Variants in FHIT observed in about 807,000 individuals in gnomAD.
FHIT encodes fragile histidine triad diadenosine triphosphatase, also known as bis(5'-adenosyl)-triphosphatase.
In FHIT, 19 loss-of-function variants were observed where a neutral mutation model predicts 17.9. The ratio of observed to expected loss-of-function variants is 1.06; its 90% confidence interval spans 0.74 to 1.56. The LOEUF is 1.56. FHIT is among the 40% of genes most tolerant of loss of function. The probability of loss-of-function intolerance (pLI) is 0.00; values close to 1 mark genes in which losing one functional copy is unlikely to be tolerated. For synonymous variants in FHIT, 81 were observed against 69.7 expected (o/e 1.16, Z -0.81); for missense variants, 248 against 189.2 (o/e 1.31, Z -1.82).
At chr3:60,513,342 T>C (rs769147446) in intron 5 of FHIT, among the ~76,000 whole-genome samples, 32 of 152,208 alleles carry the variant, frequency 2.1e-4, no homozygotes, top group Non-Finnish European at 3.8e-4. Flanking sequence ...CCATGGAATT[T>C]CCCAGGTATT....
At chr3:60,192,725 C>CTGGA (rs1702462130) in intron 5 of FHIT, among the ~76,000 whole-genome samples, 1 of 152,186 alleles carries the variant, frequency 6.6e-6, no homozygotes, top group African/African-American at 2.4e-5. Flanking sequence ...ACCCCACACT[C>CTGGA]TGAGTCCTAA....
At position 59,764,045 on chromosome 3, in the gene FHIT, G is replaced by A. The variant is rs1044222418; in HGVS notation, c.349-11724C>T. 4.5e-4 allele frequency among the ~76,000 whole-genome samples: 68 copies of A among 152,260 alleles called. 3 individuals are homozygous for A. Among genetic ancestry groups the A allele is most frequent in the Admixed American group, 3.5e-3 (54 of 15,294 alleles). ...TCAGTGAGCTGAAGGTAGAAAGGCC[G>A]TCCCAGAACAGCTGGACCCAGCACT... On this transcript the variant is annotated intron_variant, in intron 8 of 9. Coordinates refer to ENST00000492590, the MANE Select transcript of FHIT (RefSeq NM_002012.4).
intron 8 of FHIT, among the ~76,000 whole-genome samples, chr3:59,832,868 T>G (rs1370522486): frequency 6.6e-6 from 1 of 152,224 alleles, no homozygotes; most frequent in Admixed American, 6.5e-5. Context: ...AAGGACAGAA[T>G]CAAGAAATGT....
intron 8 of FHIT, among the ~76,000 whole-genome samples, chr3:59,791,503 C>G (rs902099851): frequency 1.3e-5 from 2 of 152,166 alleles, no homozygotes; most frequent in African/African-American, 2.4e-5. Context: ...ATCAACAATA[C>G]TATTAGACTT....
chr3:60,498,160 G>A (rs1305500402), intron 5 of FHIT, among the ~76,000 whole-genome samples: 1 of 152,022 alleles, frequency 6.6e-6, no homozygotes, highest in African/African-American at 2.4e-5. Context: ...ACACCAAGAT[G>A]GACAGCAAAA....
intron 5 of FHIT, among the ~76,000 whole-genome samples, chr3:60,475,092 A>G (rs921005368): frequency 3.3e-5 from 5 of 152,322 alleles, no homozygotes; most frequent in African/African-American, 1.2e-4. Context: ...AGCTTGGGGG[A>G]AAACGAAAAA....
At chr3:60,339,572 C>T (rs949101452) in intron 5 of FHIT, among the ~76,000 whole-genome samples, 20 of 152,188 alleles carry the variant, frequency 1.3e-4, no homozygotes, top group African/African-American at 4.6e-4. Flanking sequence ...AAGCTCCTTA[C>T]TTATTCTCAT....
intron 7 of FHIT, among the ~76,000 whole-genome samples, chr3:59,954,327 C>G (rs1173874155): frequency 1.3e-5 from 2 of 148,954 alleles, no homozygotes; most frequent in Non-Finnish European, 3.0e-5. Context: ...CAGAACTCAA[C>G]AAAGCTTTCA....
Position 59,748,592 on chromosome 3 carries a change from A to G in FHIT, c.*993T>C, listed in dbSNP as rs1201002035. 2.0e-5 allele frequency among the ~76,000 whole-genome samples: 3 copies of G among 152,086 alleles called. No homozygotes were observed. In the East Asian group the frequency reaches 5.8e-4, roughly 29 times the overall value. ...GAGGTGGGAGGTCCTCAAGGCAGAA[A>G]TAGGCCAGTAGATAAGGTGAAGAGG... On this transcript the variant is annotated 3_prime_UTR_variant, in exon 10 of 10. Coordinates refer to ENST00000492590, the MANE Select transcript of FHIT (RefSeq NM_002012.4).
At chr3:61,167,628 C>CAAAAAAAAAAAAAA (rs34229498) in intron 2 of FHIT, among the ~76,000 whole-genome samples, 1 of 98,954 alleles carries the variant, frequency 1.0e-5, no homozygotes, top group Non-Finnish European at 2.1e-5. Context: ...AACTGTGTCT[C>CAAAAAAAAAAAAAA]AAAAAAAAAA....
intron 1 of FHIT, among the ~76,000 whole-genome samples, chr3:61,244,670 C>T (rs988593949): frequency 6.6e-6 from 1 of 152,174 alleles, no homozygotes; most frequent in Non-Finnish European, 1.5e-5. Context: ...TTTCTCACTT[C>T]CCATACCTGG....
chr3:59,773,955 T>C (rs1299368912), intron 8 of FHIT, among the ~76,000 whole-genome samples: 3 of 152,224 alleles, frequency 2.0e-5, no homozygotes, highest in African/African-American at 7.2e-5. Context: ...AATTATTTCA[T>C]GTTAATTACC....
chr3:59,926,216 C>T (rs1705652463), intron 7 of FHIT, among the ~76,000 whole-genome samples: 1 of 152,216 alleles, frequency 6.6e-6, no homozygotes, highest in Admixed American at 6.5e-5. Flanking sequence ...TTAACTTCAT[C>T]TAATCCAGCA....
Position 60,209,084 on chromosome 3 carries a change from T to C in FHIT, c.104-194932A>G, listed in dbSNP as rs116461265. Among the ~76,000 whole-genome samples, 1,517 of 152,234 alleles carry C rather than the reference T, an allele frequency of 1.0e-2. 7 individuals are homozygous for C. Among genetic ancestry groups the C allele is most frequent in the Non-Finnish European group, 0.017 (1,131 of 68,010 alleles). On this transcript the variant is annotated intron_variant, in intron 5 of 9. Coordinates refer to ENST00000492590, the MANE Select transcript of FHIT (RefSeq NM_002012.4). ...GAATAAGGGTACTCTAAATACATCA[T>C]TCAAATTTCAAAATAGAACCTAAAA...
chr3:61,213,461 C>G (rs2039558796), intron 1 of FHIT, among the ~76,000 whole-genome samples: 1 of 152,162 alleles, frequency 6.6e-6, no homozygotes, highest in African/African-American at 2.4e-5. Flanking sequence ...GCTAACTATC[C>G]TAAATATATA....
At chr3:60,213,833 G>C (rs760489069) in intron 5 of FHIT, among the ~76,000 whole-genome samples, 1 of 152,184 alleles carries the variant, frequency 6.6e-6, no homozygotes, top group African/African-American at 2.4e-5. Context: ...AGGAGCATAA[G>C]AGGAACAAGG....
intron 3 of FHIT, among the ~76,000 whole-genome samples, chr3:61,031,306 T>C (rs953244245): frequency 6.6e-6 from 1 of 152,152 alleles, no homozygotes; most frequent in Non-Finnish European, 1.5e-5. Context: ...TCTATGAATA[T>C]GCAGAGTCAC....
chr3:59,923,745 G>C (rs751127727), intron 7 of FHIT, among the ~76,000 whole-genome samples: 1 of 151,986 alleles, frequency 6.6e-6, no homozygotes, highest in Non-Finnish European at 1.5e-5. Flanking sequence ...TACTGCGATC[G>C]GGTTCCGAGG....
At chr3:59,973,465 T>C (rs1708276156) in intron 7 of FHIT, among the ~76,000 whole-genome samples, 1 of 152,146 alleles carries the variant, frequency 6.6e-6, no homozygotes. Flanking sequence ...CCTCTGTCTC[T>C]GCCTTCACTG....
Sources: allele counts gnomAD v4.1 joint callset (sites outside exome capture counted in the v4.1 genomes callset), GRCh38; gene constraint gnomAD v4.1.1; transcripts MANE v1.5; gene names NCBI Gene and HGNC (gene_info 2026-07-23, HGNC 2026-07-21).